GSE1: variants seen among roughly 807,000 people sequenced by gnomAD.
The protein encoded by GSE1 is Gse1 coiled-coil protein.
GSE1 carries 32 observed loss-of-function variants against 112.6 expected under a neutral mutation model. The observed-to-expected ratio is 0.28, with a 90% CI of 0.21 to 0.38. The LOEUF (loss-of-function observed/expected upper bound fraction) is 0.38, where lower values mean the gene tolerates loss of function less well. Among genes scored for constraint, GSE1 ranks in the 10% least tolerant of loss-of-function variants. The pLI is 1.00. For missense variants in GSE1, 2,348 were observed against 1,699.2 expected, an observed-to-expected ratio of 1.38 and a Z score of -6.71; for synonymous variants, 1,115 against 735.6, an observed-to-expected ratio of 1.52 and a Z score of -8.35.
At chr16:85,416,847 G>T (rs2048713854) in intron 2 of GSE1, among the ~76,000 whole-genome samples, 2 of 151,962 alleles carry the variant, frequency 1.3e-5, no homozygotes, top group Non-Finnish European at 2.9e-5. Context: ...TTTGTTTTTT[G>T]TTTGTTTGTT....
At chr16:85,566,326 G>C (rs966207301) in intron 1 of GSE1, among the ~76,000 whole-genome samples, 1 of 152,214 alleles carries the variant, frequency 6.6e-6, no homozygotes, top group Non-Finnish European at 1.5e-5. Flanking sequence ...TGAAATGGCT[G>C]TCCGCCAGCC....
At chr16:85,263,812 A>T (rs557318776) in intron 1 of GSE1, among the ~76,000 whole-genome samples, 1 of 152,184 alleles carries the variant, frequency 6.6e-6, no homozygotes, top group Non-Finnish European at 1.5e-5. Context: ...AGCTCAGGTC[A>T]TCTGCCTTCC....
chr16:85,618,007 T>A (rs1017586972), intron 1 of GSE1, among the ~76,000 whole-genome samples: 4 of 152,148 alleles, frequency 2.6e-5, no homozygotes, highest in African/African-American at 9.7e-5. Flanking sequence ...TGAAGGTCAT[T>A]CTTGCCTGGC....
chr16:85,294,771 G>A (rs2045322717), intron 1 of GSE1, among the ~76,000 whole-genome samples: 1 of 145,936 alleles, frequency 6.9e-6, no homozygotes, highest in African/African-American at 2.5e-5. Context: ...TTGCACAGAA[G>A]TCCAGGGACC....
chr16:85,649,401 TC>T (rs916450417), intron 3 of GSE1, among the ~76,000 whole-genome samples: 9 of 152,186 alleles, frequency 5.9e-5, no homozygotes, highest in Admixed American at 6.5e-5. Flanking sequence ...GTAGGAAAGA[TC>T]CCAGCCCAGA....
At chr16:85,421,618 C>T (rs1162064895) in intron 2 of GSE1, among the ~76,000 whole-genome samples, 1 of 152,188 alleles carries the variant, frequency 6.6e-6, no homozygotes, top group Non-Finnish European at 1.5e-5. Flanking sequence ...GGCAGCTGCT[C>T]ATTTGCAGGC....
chr16:85,326,356 A>G (rs1284191170), intron 1 of GSE1, among the ~76,000 whole-genome samples: 1 of 152,128 alleles, frequency 6.6e-6, no homozygotes, highest in Non-Finnish European at 1.5e-5. Context: ...TAAAATGGGG[A>G]TGATTGTTGT....
At chr16:85,646,074 C>T in intron 2 of GSE1, among the ~76,000 whole-genome samples, 1 of 138,918 alleles carries the variant, frequency 7.2e-6, no homozygotes, top group Non-Finnish European at 1.5e-5. Context: ...TGCATGCATT[C>T]TACCTGCTTC....
chr16:85,240,527 G>A (rs542828021), intron 1 of GSE1, among the ~76,000 whole-genome samples: 1 of 152,350 alleles, frequency 6.6e-6, no homozygotes, highest in Admixed American at 6.5e-5. Flanking sequence ...CAGGAGTCCT[G>A]GCAGGGGCGA....
chr16:85,656,202 C>T (rs1342862732), intron 6 of GSE1, 141 bp from the exon 7 acceptor site: 2 of 1,049,998 alleles, frequency 1.9e-6, no homozygotes, highest in Non-Finnish European at 2.8e-6. Context: ...TCTTCCTGCA[C>T]CAGTGAAACC....
chr16:85,473,802 A>G (rs2050369083), intron 2 of GSE1, among the ~76,000 whole-genome samples: 1 of 152,054 alleles, frequency 6.6e-6, no homozygotes, highest in Non-Finnish European at 1.5e-5. Context: ...ATTCAGCACT[A>G]CAGGAGGACA....
intron 1 of GSE1, among the ~76,000 whole-genome samples, chr16:85,230,389 G>A (rs1035392839): frequency 2.6e-5 from 4 of 152,092 alleles, no homozygotes; most frequent in East Asian, 1.9e-4. Flanking sequence ...TGTTACCCAC[G>A]CCCCTTTCTT....
chr16:85,407,330 A>AG (rs1289385433), intron 2 of GSE1, among the ~76,000 whole-genome samples: 14 of 17,328 alleles, frequency 8.1e-4, no homozygotes, highest in Non-Finnish European at 1.1e-3. Context: ...TGTTACTCTC[A>AG]GGCCCCCCGG....
At chr16:85,509,004 G>C (rs1377934288) in intron 2 of GSE1, among the ~76,000 whole-genome samples, 6 of 152,180 alleles carry the variant, frequency 3.9e-5, no homozygotes, top group Non-Finnish European at 8.8e-5. Flanking sequence ...TGGTAGGGCT[G>C]GGCAAAGGTG....
chr16:85,394,222 G>A (rs529075773), intron 2 of GSE1, among the ~76,000 whole-genome samples: 5 of 152,296 alleles, frequency 3.3e-5, no homozygotes, highest in East Asian at 3.9e-4. Context: ...GCCGGGGGCC[G>A]GGGAGCGAGG....
intron 2 of GSE1, among the ~76,000 whole-genome samples, chr16:85,549,790 T>C (rs985824092): frequency 6.6e-6 from 1 of 152,132 alleles, no homozygotes; most frequent in Non-Finnish European, 1.5e-5. Context: ...GTGTGTCCTC[T>C]CCTTGTATGC....
At chr16:85,460,357 T>C (rs993383038) in intron 2 of GSE1, among the ~76,000 whole-genome samples, 1 of 152,166 alleles carries the variant, frequency 6.6e-6, no homozygotes, top group Non-Finnish European at 1.5e-5. Flanking sequence ...CCCAGCCTGG[T>C]ATTTTCTTAA....
intron 1 of GSE1, among the ~76,000 whole-genome samples, chr16:85,206,349 G>A (rs925923149): frequency 6.6e-6 from 1 of 152,226 alleles, no homozygotes; most frequent in Non-Finnish European, 1.5e-5. Flanking sequence ...AGCTGGGGAT[G>A]GCCGGGCCAC....
chr16:85,496,577 G>A (rs2051186079), intron 2 of GSE1, among the ~76,000 whole-genome samples: 1 of 152,256 alleles, frequency 6.6e-6, no homozygotes, highest in Non-Finnish European at 1.5e-5. Context: ...ACCGCTGGCA[G>A]CTTTTGCAGG....
Sources: allele counts gnomAD v4.1 joint callset (sites outside exome capture counted in the v4.1 genomes callset), GRCh38; gene constraint gnomAD v4.1.1; transcripts MANE v1.5; gene names NCBI Gene and HGNC (gene_info 2026-07-23, HGNC 2026-07-21).